Variants in CTNNA3 observed in about 807,000 individuals in gnomAD.
CTNNA3 encodes catenin alpha-3.
In CTNNA3, 76 loss-of-function variants were observed where a neutral mutation model predicts 95.7. That is an observed-to-expected ratio of 0.79 (90% CI 0.66 to 0.96). The LOEUF (loss-of-function observed/expected upper bound fraction) is 0.96, where lower values mean the gene tolerates loss of function less well. CTNNA3 is among the 40% of genes least tolerant of loss of function. CTNNA3 has a pLI of 0.00. For synonymous variants in CTNNA3, 431 were observed against 374.4 expected, an observed-to-expected ratio of 1.15 and a Z score of -1.74; for missense variants, 1,191 against 1,089.8, an observed-to-expected ratio of 1.09 and a Z score of -1.31.
chr10:66,523,589 TA>T (rs1564510645), intron 10 of CTNNA3, among the ~76,000 whole-genome samples: 2 of 152,128 alleles, frequency 1.3e-5, no homozygotes, highest in African/African-American at 4.8e-5. Context: ...AGCTTTTTTT[TA>T]AAATGAATTA....
intron 5 of CTNNA3, among the ~76,000 whole-genome samples, chr10:67,419,940 C>T (rs1395653590): frequency 6.6e-6 from 1 of 152,124 alleles, no homozygotes; most frequent in African/African-American, 2.4e-5. Context: ...CAACCTCCAC[C>T]TCCCAAGTTC....
chr10:66,493,515 G>A (rs1839993235), intron 11 of CTNNA3, among the ~76,000 whole-genome samples: 1 of 148,096 alleles, frequency 6.8e-6, no homozygotes. Flanking sequence ...TTGGGAGTCT[G>A]TTTGTGAACT....
rs577822690 is a variant in CTNNA3 at position 66,872,361 on chromosome 10, A to C, written c.1048-96837T>G. Among the ~76,000 whole-genome samples the C allele has an allele frequency of 5.8e-4, 88 of 152,274 alleles. 1 individual carries two copies. The highest frequency in any genetic ancestry group is 1.9e-3 in the African/African-American group (81 of 41,574). The stretch of plus-strand genomic sequence containing the variant: ...TGAGATTTTTCTGATTCTAGAGTTT[A>C]TGTTATTTTTCAAAAAAATAATTTT... On this transcript the variant is annotated intron_variant, in intron 7 of 17. Coordinates refer to ENST00000433211, the MANE Select transcript of CTNNA3 (RefSeq NM_013266.4).
chr10:67,137,260 T>G (rs1336077286), intron 7 of CTNNA3, among the ~76,000 whole-genome samples: 1 of 152,074 alleles, frequency 6.6e-6, no homozygotes, highest in Admixed American at 6.6e-5. Flanking sequence ...TTATATATTG[T>G]TTATATATTG....
chr10:67,702,783 G>T (rs1319125828), intron 1 of CTNNA3, among the ~76,000 whole-genome samples: 4 of 152,102 alleles, frequency 2.6e-5, no homozygotes, highest in Admixed American at 6.6e-5. Context: ...GATCAGAGCA[G>T]AACTGAAGGA....
chr10:66,955,452 T>A (rs1848736918), intron 7 of CTNNA3, among the ~76,000 whole-genome samples: 1 of 152,134 alleles, frequency 6.6e-6, no homozygotes, highest in Non-Finnish European at 1.5e-5. Flanking sequence ...GCCAATTCAG[T>A]AAAATTAATC....
intron 1 of CTNNA3, among the ~76,000 whole-genome samples, chr10:67,701,655 C>G (rs1841040548): frequency 6.6e-6 from 1 of 152,182 alleles, no homozygotes; most frequent in African/African-American, 2.4e-5. Context: ...AAACCGGTAC[C>G]AGCTGCTGCA....
chr10:67,523,294 G>A (rs998870088), intron 4 of CTNNA3, among the ~76,000 whole-genome samples: 1 of 152,110 alleles, frequency 6.6e-6, no homozygotes, highest in Non-Finnish European at 1.5e-5. Context: ...TCATACCACT[G>A]GAGAAACTAG....
At chr10:67,371,467 A>C (rs10159522) in intron 5 of CTNNA3, among the ~76,000 whole-genome samples, 11,708 of 147,378 alleles carry the variant, frequency 0.079, 711 homozygotes, top group African/African-American at 0.17. Flanking sequence ...CCAATGAGTG[A>C]GAACATGTGG....
intron 7 of CTNNA3, among the ~76,000 whole-genome samples, chr10:67,163,620 C>T (rs1400483261): frequency 2.0e-5 from 3 of 152,014 alleles, no homozygotes; most frequent in South Asian, 4.1e-4. Context: ...AAGTTCTAAT[C>T]GGTGCAGTAA....
chr10:67,699,957 C>T (rs1482333848), upstream of CTNNA3, among the ~76,000 whole-genome samples: 1 of 152,242 alleles, frequency 6.6e-6, no homozygotes, highest in Non-Finnish European at 1.5e-5. Context: ...AAAGACAGCG[C>T]ACCAGGAGAT....
At chr10:66,360,816 C>CCTTCCTTCCTTT (rs1491560905) in intron 12 of CTNNA3, among the ~76,000 whole-genome samples, 3 of 50,276 alleles carry the variant, frequency 6.0e-5, no homozygotes, top group Admixed American at 2.4e-4. Context: ...TTCCTTCCTT[C>CCTTCCTTCCTTT]CTTTCTTTCT....
intron 5 of CTNNA3, among the ~76,000 whole-genome samples, chr10:67,475,570 T>C (rs549316494): frequency 6.6e-5 from 10 of 152,304 alleles, no homozygotes; most frequent in African/African-American, 2.4e-4. Flanking sequence ...TGAATATAAA[T>C]AATTTAAATT....
intron 13 of CTNNA3, among the ~76,000 whole-genome samples, chr10:66,124,417 T>A (rs1001501581): frequency 2.0e-5 from 3 of 152,152 alleles, no homozygotes; most frequent in African/African-American, 7.2e-5. Flanking sequence ...ATTCAACAAG[T>A]CTATAGGGTG....
intron 7 of CTNNA3, among the ~76,000 whole-genome samples, chr10:67,012,116 G>A (rs1852376104): frequency 1.3e-5 from 2 of 152,182 alleles, no homozygotes; most frequent in Admixed American, 1.3e-4. Flanking sequence ...TCTGGCTCTG[G>A]AGTCTACATT....
At chr10:66,336,891 C>T (rs1277023248) in intron 12 of CTNNA3, among the ~76,000 whole-genome samples, 2 of 152,012 alleles carry the variant, frequency 1.3e-5, no homozygotes, top group Non-Finnish European at 2.9e-5. Flanking sequence ...TGTAATAATA[C>T]TAAGACCTTA....
intron 6 of CTNNA3, among the ~76,000 whole-genome samples, chr10:67,186,564 T>A (rs1862858828): frequency 6.6e-6 from 1 of 152,162 alleles, no homozygotes; most frequent in Non-Finnish European, 1.5e-5. Context: ...ACTGAATCAA[T>A]AAAAAGGCAA....
In CTNNA3 at chr10:66,687,277, G is replaced by T. The variant is rs190494724; in HGVS notation, c.1282-65493C>A. Among the ~76,000 whole-genome samples the T allele has an allele frequency of 7.2e-3, 1,099 of 152,102 alleles. 7 individuals are homozygous for T. The highest frequency in any genetic ancestry group is 0.025 in the African/African-American group (1,030 of 41,520). ...TAAATTTCAAAGTGGAAACACTCAA[G>T]ATATATATGTTGTCCTTCACCAAGA... On this transcript the variant is annotated intron_variant, in intron 9 of 17. Coordinates refer to ENST00000433211, the MANE Select transcript of CTNNA3 (RefSeq NM_013266.4).
At chr10:66,754,942 C>T (rs1839306537) in intron 9 of CTNNA3, among the ~76,000 whole-genome samples, 1 of 152,038 alleles carries the variant, frequency 6.6e-6, no homozygotes, top group Non-Finnish European at 1.5e-5. Flanking sequence ...TGACCGAAAC[C>T]CAGAAATGCC....
Sources: gnomAD v4.1 joint callset for allele counts (sites outside exome capture counted in the v4.1 genomes callset) on GRCh38, gnomAD v4.1.1 for gene constraint, MANE v1.5 for transcripts, NCBI Gene and HGNC (gene_info 2026-07-23, HGNC 2026-07-21) for gene names.